MALRD1: variants seen among roughly 807,000 people sequenced by gnomAD.
MALRD1 encodes the protein MAM and LDL-receptor class A domain-containing protein 1.
In MALRD1, 247 loss-of-function variants were observed where a neutral mutation model predicts 242.1. The ratio of observed to expected loss-of-function variants is 1.02; its 90% CI spans 0.92 to 1.13. The LOEUF (loss-of-function observed/expected upper bound fraction) is 1.13. Among genes scored for constraint, MALRD1 ranks in the 50% most tolerant of loss-of-function variants. MALRD1 has a pLI of 0.00. For missense variants in MALRD1, 2,989 were observed against 2,533.1 expected (o/e 1.18, Z -3.86); for synonymous variants, 995 against 866.6 (o/e 1.15, Z -2.60).
At chr10:19,592,648 A>T (rs1232580321) in intron 33 of MALRD1, among the ~76,000 whole-genome samples, 1 of 152,046 alleles carries the variant, frequency 6.6e-6, no homozygotes, top group Non-Finnish European at 1.5e-5. Context: ...AGTAAAAAAA[A>T]TTTCTGCTTT....
intron 28 of MALRD1, among the ~76,000 whole-genome samples, chr10:19,419,265 C>A (rs1833627819): frequency 6.6e-6 from 1 of 151,816 alleles, no homozygotes; most frequent in East Asian, 1.9e-4. Context: ...CCTTCTTCTT[C>A]ATCTTCTTTC....
At chr10:19,632,048 A>G (rs573581909) in intron 36 of MALRD1, among the ~76,000 whole-genome samples, 164 of 152,254 alleles carry the variant, frequency 1.1e-3, no homozygotes, top group African/African-American at 3.7e-3. Flanking sequence ...AAATAACAAA[A>G]TTTTCATGAA....
intron 29 of MALRD1, among the ~76,000 whole-genome samples, chr10:19,454,713 TACACACACACACACACAC>T (rs35489123): frequency 7.6e-5 from 10 of 132,412 alleles, no homozygotes; most frequent in Admixed American, 3.3e-4. Flanking sequence ...CGTGCACACG[TACACACACACACACACAC>T]ACACACACAC....
At chr10:19,491,344 G>T (rs1310003483) in intron 29 of MALRD1, 173 bp from the exon 30 acceptor site, 1 of 790,346 alleles carries the variant, frequency 1.3e-6, no homozygotes, top group African/African-American at 1.7e-5. Flanking sequence ...ATAACTTGCT[G>T]AACCATTGAA....
chr10:19,652,173 C>T (rs1473990630), intron 36 of MALRD1, among the ~76,000 whole-genome samples: 5 of 152,192 alleles, frequency 3.3e-5, no homozygotes, highest in Admixed American at 6.5e-5. Flanking sequence ...TGCCAACACC[C>T]TGGCTGATGT....
intron 9 of MALRD1, 58 bp downstream of exon 9, chr10:19,134,006 T>A: frequency 2.3e-6 from 2 of 884,688 alleles, no homozygotes; most frequent in Non-Finnish European, 3.0e-6. Flanking sequence ...AGCTTTGCAG[T>A]AATAAATTGA....
intron 11 of MALRD1, among the ~76,000 whole-genome samples, chr10:19,148,229 T>G (rs557066320): frequency 6.6e-6 from 1 of 151,920 alleles, no homozygotes; most frequent in East Asian, 2.0e-4. Context: ...AGGGAAGCTG[T>G]GCGGGCAGTG....
At chr10:19,389,366 AT>A (rs1444724141) in intron 27 of MALRD1, 85 bp from the exon 28 acceptor site, 2 of 1,383,056 alleles carry the variant, frequency 1.4e-6, no homozygotes, top group Admixed American at 4.0e-5. Flanking sequence ...ACGAATTGTA[AT>A]TAAAGACCCT....
At chr10:19,070,995 G>T (rs946527214) in intron 2 of MALRD1, among the ~76,000 whole-genome samples, 8 of 151,696 alleles carry the variant, frequency 5.3e-5, no homozygotes, top group African/African-American at 1.5e-4. Context: ...GGGATTACAG[G>T]CATGTGCCAC....
At chr10:19,187,252 G>A (rs1835780568) in intron 14 of MALRD1, among the ~76,000 whole-genome samples, 1 of 151,988 alleles carries the variant, frequency 6.6e-6, no homozygotes, top group African/African-American at 2.4e-5. Flanking sequence ...CCCTTATAAT[G>A]AGTGAATAAA....
At chr10:19,146,444 A>G (rs780255406) in intron 11 of MALRD1, 100 bp downstream of exon 11, 11 of 1,046,928 alleles carry the variant, frequency 1.1e-5, no homozygotes, top group Non-Finnish European at 1.3e-5. Flanking sequence ...GACTGTATAC[A>G]TGGAACTCTG....
At chr10:19,358,867 TGCTGAAA>T (rs1844764651) in intron 26 of MALRD1, among the ~76,000 whole-genome samples, 1 of 152,206 alleles carries the variant, frequency 6.6e-6, no homozygotes, top group Non-Finnish European at 1.5e-5. Context: ...TTCTATTCAC[TGCTGAAA>T]GCAAGGGTTC....
Position 19,156,088 on chromosome 10 carries a change from TAGTGCCACAC to T in MALRD1, c.1656+920_1656+929del, listed in dbSNP as rs1390195939. On this transcript the variant is annotated intron_variant, in intron 12 of 39. Transcript: ENST00000454679. ...TATCAGAAAATAATGAAGAGATCAG[TAGTGCCACAC>T]AGTAAATTCATTGCCTGTAAGTGTA... is the stretch of plus-strand genomic sequence containing the variant. Among the ~76,000 whole-genome samples, 3 of 152,232 alleles carry T rather than the reference TAGTGCCACAC, an allele frequency of 2.0e-5. No individual in the cohort carries two copies. In the East Asian group the frequency reaches 5.8e-4, roughly 29 times the overall value.
intron 21 of MALRD1, among the ~76,000 whole-genome samples, chr10:19,284,027 G>T (rs988855201): frequency 1.3e-5 from 2 of 152,162 alleles, no homozygotes; most frequent in Admixed American, 1.3e-4. Context: ...TAGTGATGGA[G>T]CATTTCTTTC....
At chr10:19,534,210 T>C (rs1426129988) in intron 32 of MALRD1, among the ~76,000 whole-genome samples, 1 of 152,198 alleles carries the variant, frequency 6.6e-6, no homozygotes, top group African/African-American at 2.4e-5. Context: ...AAAAACTATT[T>C]TCATAATGTG....
At chr10:19,602,361 A>G (rs2131579684) in intron 34 of MALRD1, among the ~76,000 whole-genome samples, 1 of 115,654 alleles carries the variant, frequency 8.6e-6, no homozygotes, top group East Asian at 2.9e-4. Flanking sequence ...CCACCCTATG[A>G]CAGGCCCCGG....
At chr10:19,285,739 C>A (rs1841078902) in intron 21 of MALRD1, among the ~76,000 whole-genome samples, 1 of 123,176 alleles carries the variant, frequency 8.1e-6, no homozygotes, top group African/African-American at 3.2e-5. Context: ...GATGCGGGCT[C>A]TTTTTTGGTT....
chr10:19,209,209 G>A lies in MALRD1; in HGVS notation c.2579-59G>A. On this transcript the variant is annotated intron_variant, in intron 17 of 39. Coordinates refer to ENST00000454679, the MANE Select transcript of MALRD1 (RefSeq NM_001142308.3). Reference sequence around the variant, plus strand: ...TTCTTTAAATATTAATAAATAGAATGTGGTTGCATGTATTTTTGTCCCTAA... The same window carrying A: ...TTCTTTAAATATTAATAAATAGAATATGGTTGCATGTATTTTTGTCCCTAA... The A allele has an allele frequency of 9.6e-6, 13 of 1,352,720 alleles. No individual in the cohort carries two copies. The Middle Eastern group carries it at 5.7e-4, about 59-fold the overall frequency. 83.8% of individuals were successfully genotyped at this position (1,352,720 alleles called of 1,614,324 possible). A position where few individuals can be genotyped will look rare whatever the true frequency, so the allele number is the denominator to read the frequency against.
At chr10:19,593,844 G>A (rs1009313902) in intron 33 of MALRD1, among the ~76,000 whole-genome samples, 13 of 152,154 alleles carry the variant, frequency 8.5e-5, no homozygotes, top group Middle Eastern at 3.2e-3. Flanking sequence ...CAGTGTCTTC[G>A]TTTGTAAAAT....
Sources: allele counts gnomAD v4.1 joint callset (sites outside exome capture counted in the v4.1 genomes callset), GRCh38; gene constraint gnomAD v4.1.1; transcripts MANE v1.5; gene names NCBI Gene and HGNC (gene_info 2026-07-23, HGNC 2026-07-21).